The following DCC variants were observed in gnomAD, a reference collection of about 807,000 sequenced individuals.
The protein encoded by DCC is netrin receptor DCC.
DCC carries 58 observed loss-of-function variants against 172.5 expected under a neutral mutation model. The observed-to-expected ratio is 0.34, with a 90% CI of 0.27 to 0.42. DCC has a LOEUF of 0.42. Among genes scored for constraint, DCC ranks in the 10% least tolerant of loss-of-function variants. The pLI is 1.00. For synonymous variants in DCC, 709 were observed against 644.5 expected (o/e 1.10, Z -1.52); for missense variants, 1,740 against 1,791.0 (o/e 0.97, Z 0.51).
At position 53,405,507 on chromosome 18, in the gene DCC, C is replaced by T. The variant is rs958777257; in HGVS notation, c.2935+2614C>T. ...ATACCCAGTGGGCACTGACACGAAT[C>T]GGCTATTATTATTCCAGTTTGAAAT... On this transcript the variant is annotated intron_variant, in intron 19 of 28. Transcript: ENST00000442544. 2.6e-5 allele frequency among the ~76,000 whole-genome samples: 4 copies of T among 152,266 alleles called. No individual in the cohort carries two copies. The East Asian group carries it at 5.8e-4, about 22-fold the overall frequency.
chr18:52,849,774 A>C (rs904629622), intron 2 of DCC, among the ~76,000 whole-genome samples: 3 of 152,188 alleles, frequency 2.0e-5, no homozygotes, highest in Non-Finnish European at 4.4e-5. Context: ...AGCCAAAGGG[A>C]CATAGATTTC....
intron 24 of DCC, among the ~76,000 whole-genome samples, chr18:53,462,707 G>T (rs559130691): frequency 1.1e-4 from 16 of 152,210 alleles, no homozygotes; most frequent in African/African-American, 3.9e-4. Flanking sequence ...CAAAAAGGTT[G>T]GGAATGGCTG....
intron 7 of DCC, among the ~76,000 whole-genome samples, chr18:53,086,822 G>T (rs574611668): frequency 7.8e-6 from 1 of 127,688 alleles, no homozygotes; most frequent in African/African-American, 3.1e-5. Context: ...TTATTGTTCA[G>T]TTCCCACCTA....
rs150120382 is a variant in DCC at position 53,034,163 on chromosome 18, A to G, written c.986-29142A>G. Among the ~76,000 whole-genome samples the G allele has an allele frequency of 1.4e-4, 22 of 152,040 alleles. No individual in the cohort carries two copies. In the East Asian group the frequency reaches 3.7e-3, roughly 25 times the overall value. On this transcript the variant is annotated intron_variant, in intron 5 of 28. Coordinates refer to ENST00000442544, the MANE Select transcript of DCC (RefSeq NM_005215.4). Reference sequence around the variant, plus strand: ...TGTGTTGATAGCTTTCAAATTGTTTATTTATATCCCAAAATTCTGCCCCGA... The same window carrying G: ...TGTGTTGATAGCTTTCAAATTGTTTGTTTATATCCCAAAATTCTGCCCCGA...
chr18:53,146,102 C>T lies in DCC; in HGVS notation c.1262-11254C>T, dbSNP rs143190683. ...CAAAAATTAGCTGGGCATGGTGGCA[C>T]ACACCTGTAATCCCAGCTCCTTGGG... On this transcript the variant is annotated intron_variant, in intron 7 of 28. Coordinates refer to ENST00000442544, the MANE Select transcript of DCC (RefSeq NM_005215.4). Among the ~76,000 whole-genome samples the T allele has an allele frequency of 3.7e-3, 563 of 152,066 alleles. 2 individuals are homozygous for T. The highest frequency in any genetic ancestry group is 0.013 in the African/African-American group (544 of 41,478).
chr18:53,310,764 C>T (rs1365128186), intron 13 of DCC, among the ~76,000 whole-genome samples: 1 of 151,872 alleles, frequency 6.6e-6, no homozygotes. Flanking sequence ...TATAACAGGG[C>T]TAACATTGGG....
At chr18:52,434,719 C>T (rs1280938016) in intron 1 of DCC, among the ~76,000 whole-genome samples, 1 of 151,538 alleles carries the variant, frequency 6.6e-6, no homozygotes, top group Non-Finnish European at 1.5e-5. Flanking sequence ...TTGCTATTTC[C>T]TAGATGTATC....
chr18:53,459,431 C>A lies in DCC; in HGVS notation c.3592C>A (p.Leu1198Met), dbSNP rs749827324. The stretch of plus-strand genomic sequence containing the variant: ...CAGCCACAGCCAGTCAGAAACCCAA[C>A]TGGGAAGCAAAAGCACCTCTCATTC... ...PVSHSQSETQLGSKSTSHSGQ... is the reference protein window; with the variant it reads ...PVSHSQSETQMGSKSTSHSGQ... The change falls in exon 24 of 29, where the codon CTG becomes ATG. Residue 1198 changes from leucine (L) to methionine (M), a missense_variant. Coordinates refer to ENST00000442544, the MANE Select transcript of DCC (RefSeq NM_005215.4). 9.9e-6 allele frequency: 16 copies of A among 1,613,006 alleles called. No individual in the cohort carries two copies. Among genetic ancestry groups the A allele is most frequent in the African/African-American group, 1.3e-5 (1 of 75,016 alleles).
chr18:52,836,186 G>A (rs1323756154), intron 2 of DCC, among the ~76,000 whole-genome samples: 1 of 152,084 alleles, frequency 6.6e-6, no homozygotes, highest in Non-Finnish European at 1.5e-5. Context: ...ATCTCCACCT[G>A]GTCCCTTTCA....
chr18:52,714,525 G>A lies in DCC; in HGVS notation c.92-37529G>A, dbSNP rs2036346320. Among the ~76,000 whole-genome samples, 5 of 152,288 alleles carry A rather than the reference G, an allele frequency of 3.3e-5. No individual in the cohort carries two copies. The South Asian group carries it at 1.0e-3, about 32-fold the overall frequency. ...TAGGTAGAAGGGCATACTGAACTGG[G>A]AAGGAACTGCTATATTGGGAAAAAG... On this transcript the variant is annotated intron_variant, in intron 1 of 28. Transcript: ENST00000442544.
At chr18:52,766,387 G>C (rs1212677283) in intron 2 of DCC, among the ~76,000 whole-genome samples, 1 of 152,174 alleles carries the variant, frequency 6.6e-6, no homozygotes, top group Non-Finnish European at 1.5e-5. Context: ...TGCCAACTAA[G>C]GCAAAGAGCC....
intron 1 of DCC, among the ~76,000 whole-genome samples, chr18:52,405,843 A>G (rs1410576012): frequency 6.6e-6 from 1 of 151,434 alleles, no homozygotes; most frequent in Admixed American, 6.6e-5. Context: ...TATGGAACCA[A>G]AAAAGAGCCT....
At chr18:53,101,620 A>C (rs1224486470) in intron 7 of DCC, among the ~76,000 whole-genome samples, 1 of 152,088 alleles carries the variant, frequency 6.6e-6, no homozygotes, top group Non-Finnish European at 1.5e-5. Flanking sequence ...AGCCAAGAAA[A>C]CGTAGAGGAC....
intron 1 of DCC, among the ~76,000 whole-genome samples, chr18:52,655,349 C>A (rs889470730): frequency 6.6e-6 from 1 of 152,124 alleles, no homozygotes; most frequent in East Asian, 1.9e-4. Flanking sequence ...AATTAATAAT[C>A]GAGCCATAGA....
intron 1 of DCC, among the ~76,000 whole-genome samples, chr18:52,375,688 A>C (rs1417142098): frequency 6.6e-6 from 1 of 152,150 alleles, no homozygotes; most frequent in Non-Finnish European, 1.5e-5. Flanking sequence ...ATGGAAGTAT[A>C]GTGGCCAGAA....
At chr18:53,154,685 C>T (rs183933384) in intron 7 of DCC, among the ~76,000 whole-genome samples, 6 of 152,022 alleles carry the variant, frequency 3.9e-5, no homozygotes, top group Admixed American at 2.6e-4. Flanking sequence ...TGTTCAGGAG[C>T]GGGGAACCCT....
Position 52,862,681 on chromosome 18 carries a change from G to T in DCC, c.413-43363G>T, listed in dbSNP as rs566868512. ...CCACTGCACTTCAGCCTGGGCAACA[G>T]AGCAAGACTGTTGTCTCCAAAAAAA... On this transcript the variant is annotated intron_variant, in intron 2 of 28. Coordinates refer to ENST00000442544, the MANE Select transcript of DCC (RefSeq NM_005215.4). Among the ~76,000 whole-genome samples, 12 of 152,094 alleles carry T rather than the reference G, an allele frequency of 7.9e-5. No individual in the cohort carries two copies. The East Asian group carries it at 2.1e-3, about 27-fold the overall frequency.
chr18:52,494,451 A>G (rs552076747), intron 1 of DCC, among the ~76,000 whole-genome samples: 3 of 151,990 alleles, frequency 2.0e-5, no homozygotes, highest in Non-Finnish European at 4.4e-5. Flanking sequence ...TCCTAATAGT[A>G]TTCCAATTAC....
chr18:52,633,353 G>A, intron 1 of DCC, among the ~76,000 whole-genome samples: 1 of 152,190 alleles, frequency 6.6e-6, no homozygotes, highest in Non-Finnish European at 1.5e-5. Context: ...CGCTGGCACT[G>A]AAGATGCCCA....
Sources: gnomAD v4.1 joint callset for allele counts (sites outside exome capture counted in the v4.1 genomes callset) on GRCh38, gnomAD v4.1.1 for gene constraint, MANE v1.5 for transcripts, NCBI Gene and HGNC (gene_info 2026-07-23, HGNC 2026-07-21) for gene names.